MTR: variants seen among roughly 807,000 people sequenced by gnomAD.
MTR encodes the protein methionine synthase.
In MTR, 84 loss-of-function variants were observed where a neutral mutation model predicts 154.8. The observed-to-expected ratio is 0.54, with a 90% confidence interval of 0.45 to 0.65. The LOEUF is 0.65. MTR is among the 30% of genes least tolerant of loss of function. The pLI, the probability that MTR is intolerant of heterozygous loss-of-function variation, is 0.00. For missense variants in MTR, 1,275 were observed against 1,570.2 expected, an observed-to-expected ratio of 0.81 and a Z score of 3.18; for synonymous variants, 554 against 553.9, an observed-to-expected ratio of 1.00 and a Z score of 0.00.
intron 18 of MTR, among the ~76,000 whole-genome samples, chr1:236,858,284 G>T (rs1289942704): frequency 6.6e-6 from 1 of 152,200 alleles, no homozygotes; most frequent in African/African-American, 2.4e-5. Flanking sequence ...GGGAACTTGT[G>T]CAGGGAAACC....
intron 22 of MTR, among the ~76,000 whole-genome samples, chr1:236,872,706 A>G (rs973767747): frequency 6.6e-6 from 1 of 152,224 alleles, no homozygotes; most frequent in Non-Finnish European, 1.5e-5. Flanking sequence ...GAGATCATTT[A>G]TGCAGGCCGG....
At chr1:236,870,140 C>T (rs1243010941) in intron 22 of MTR, among the ~76,000 whole-genome samples, 1 of 152,198 alleles carries the variant, frequency 6.6e-6, no homozygotes, top group Non-Finnish European at 1.5e-5. Context: ...CTTTGTGCAT[C>T]CCAGTACCAT....
chr1:236,863,655 G>A (rs1444814617), intron 22 of MTR, 101 bp downstream of exon 22: 9 of 1,007,472 alleles, frequency 8.9e-6, no homozygotes, highest in Non-Finnish European at 1.4e-5. Flanking sequence ...GGGCATGGCA[G>A]TGGATGTTAG....
At position 236,895,342 on chromosome 1, in the gene MTR, T is replaced by C; in HGVS notation, c.3406-16T>C. On this transcript the variant is annotated splice_polypyrimidine_tract_variant and intron_variant, in intron 30 of 32. Coordinates refer to ENST00000366577, the MANE Select transcript of MTR (RefSeq NM_000254.3). Reference sequence around the variant, plus strand: ...CCTGCGTCTGCCTAAGCATGCCTGCTGCTTTGGGTCCCAAGGCCTTTGCAG... The same window carrying C: ...CCTGCGTCTGCCTAAGCATGCCTGCCGCTTTGGGTCCCAAGGCCTTTGCAG... 1.3e-6 allele frequency: 2 copies of C among 1,583,694 alleles called. No homozygotes were observed. Among genetic ancestry groups the C allele is most frequent in the Non-Finnish European group, 1.7e-6 (2 of 1,163,322 alleles).
chr1:236,852,741 G>A, intron 17 of MTR, 104 bp downstream of exon 17: 1 of 1,186,876 alleles, frequency 8.4e-7, no homozygotes, highest in Non-Finnish European at 1.3e-6. Flanking sequence ...GCCAGTTTCT[G>A]TAAATAAGAT....
chr1:236,798,826 T>C lies in MTR; in HGVS notation c.34+3089T>C, dbSNP rs183031197. Among the ~76,000 whole-genome samples, 99 of 152,336 alleles carry C rather than the reference T, an allele frequency of 6.5e-4. 1 individual carries two copies. The East Asian group carries it at 0.018, about 28-fold the overall frequency. ...ATAAATACAATTTTGTTGTTCTTCA[T>C]GGAAGAGTGACATTTCAGTAGATCC... On this transcript the variant is annotated intron_variant, in intron 1 of 32. Coordinates refer to ENST00000366577, the MANE Select transcript of MTR (RefSeq NM_000254.3).
At position 236,861,111 on chromosome 1, in the gene MTR, T is replaced by C; in HGVS notation, c.2044-14T>C. 1.3e-6 allele frequency: 2 copies of C among 1,535,320 alleles called. No homozygotes were observed. The highest frequency in any genetic ancestry group is 8.7e-7 in the Non-Finnish European group (1 of 1,147,438). On this transcript the variant is annotated splice_polypyrimidine_tract_variant and intron_variant, in intron 19 of 32. Coordinates refer to ENST00000366577, the MANE Select transcript of MTR (RefSeq NM_000254.3). The stretch of plus-strand genomic sequence containing the variant: ...TCTTTCTTTTTCTTTTTTTTTTTTT[T>C]TTGTCTTTTTTAGGGCATTGAAAAA...
chr1:236,892,493 CAAAA>C (rs1211888965), intron 29 of MTR, among the ~76,000 whole-genome samples: 1 of 152,086 alleles, frequency 6.6e-6, no homozygotes, highest in East Asian at 1.9e-4. Context: ...AAAAAACAAA[CAAAA>C]AAGATAGTGG....
chr1:236,867,776 C>T (rs114664129), intron 22 of MTR, among the ~76,000 whole-genome samples: 2,401 of 152,172 alleles, frequency 0.016, 71 homozygotes, highest in African/African-American at 0.055. Flanking sequence ...AAGTAACTGC[C>T]GATGTGGTAG....
chr1:236,853,522 A>G (rs1266626009), intron 18 of MTR, among the ~76,000 whole-genome samples: 1 of 152,236 alleles, frequency 6.6e-6, no homozygotes, highest in Middle Eastern at 3.2e-3. Context: ...ATGCATAGGT[A>G]CATATACATA....
At chr1:236,841,779 C>CA (rs1663251633) in intron 15 of MTR, among the ~76,000 whole-genome samples, 1 of 152,028 alleles carries the variant, frequency 6.6e-6, no homozygotes, top group Non-Finnish European at 1.5e-5. Context: ...ACTTAATTGG[C>CA]AGTTGCATGG....
intron 7 of MTR, 92 bp from the exon 8 acceptor site, chr1:236,816,357 A>G: frequency 9.2e-7 from 1 of 1,082,770 alleles, no homozygotes; most frequent in Non-Finnish European, 1.4e-6. Flanking sequence ...TAAAAGAGCA[A>G]AGGAAGTCAG....
Position 236,903,526 on chromosome 1 carries a change from G to T in MTR, c.*5882G>T, listed in dbSNP as rs2282368. Reference sequence around the variant, plus strand: ...TTATTATAGACTTTTGGAGACTCACGAAACAAGCAATCCCTAAATTCTCGC... The same window carrying T: ...TTATTATAGACTTTTGGAGACTCACTAAACAAGCAATCCCTAAATTCTCGC... On this transcript the variant is annotated 3_prime_UTR_variant, in exon 33 of 33. Transcript: ENST00000366577. The T allele has an allele frequency of 1.3e-5, 2 of 152,026 alleles. No individual in the cohort carries two copies. The highest frequency in any genetic ancestry group is 2.9e-5 in the Non-Finnish European group (2 of 68,010). 9.4% of individuals were successfully genotyped at this position (152,026 alleles called of 1,614,324 possible). A position where few individuals can be genotyped will look rare whatever the true frequency, so the allele number is the denominator to read the frequency against.
chr1:236,832,178 A>G (rs1268154148), intron 13 of MTR, 100 bp downstream of exon 13: 2 of 968,912 alleles, frequency 2.1e-6, no homozygotes, highest in Non-Finnish European at 3.3e-6. Context: ...TTATTAGCAG[A>G]GCTGCTAGAA....
chr1:236,841,879 G>A (rs561697342), intron 15 of MTR, among the ~76,000 whole-genome samples: 1 of 151,510 alleles, frequency 6.6e-6, no homozygotes, highest in South Asian at 2.1e-4. Context: ...AAGAAGTCCA[G>A]TGCTATTCTA....
chr1:236,855,661 G>A (rs567435151), intron 18 of MTR, among the ~76,000 whole-genome samples: 9 of 152,118 alleles, frequency 5.9e-5, no homozygotes, highest in Non-Finnish European at 1.0e-4. Flanking sequence ...CTACACAACC[G>A]TGAGGCCCCT....
At chr1:236,875,123 C>T (rs544636958) in intron 24 of MTR, among the ~76,000 whole-genome samples, 1 of 152,292 alleles carries the variant, frequency 6.6e-6, no homozygotes, top group East Asian at 1.9e-4. Flanking sequence ...ACTTGCGATT[C>T]AGTTCCTGAG....
At chr1:236,829,157 TAATG>T in intron 11 of MTR, 28 bp from the exon 12 acceptor site, 1 of 1,510,434 alleles carries the variant, frequency 6.6e-7, no homozygotes, top group Non-Finnish European at 9.2e-7. Context: ...TATTCTGAAT[TAATG>T]GATACAATGT....
intron 13 of MTR, among the ~76,000 whole-genome samples, chr1:236,834,978 T>G (rs1300644946): frequency 6.6e-6 from 1 of 152,222 alleles, no homozygotes; most frequent in Admixed American, 6.5e-5. Context: ...TCTTTTCATG[T>G]AACTTCTATT....
Sources: gnomAD v4.1 joint callset for allele counts (sites outside exome capture counted in the v4.1 genomes callset) on GRCh38, gnomAD v4.1.1 for gene constraint, MANE v1.5 for transcripts, NCBI Gene and HGNC (gene_info 2026-07-23, HGNC 2026-07-21) for gene names.